The following TMEM117 variants were observed in gnomAD, a reference collection of about 807,000 sequenced individuals.
TMEM117 encodes transmembrane protein 117.
In TMEM117, 27 loss-of-function variants were observed where a neutral mutation model predicts 52.4. That is an observed-to-expected ratio of 0.51 (90% confidence interval 0.38 to 0.71). The LOEUF is 0.71. Among genes scored for constraint, TMEM117 ranks in the 30% least tolerant of loss-of-function variants. The probability of loss-of-function intolerance (pLI) is 0.00; values close to 1 mark genes in which losing one functional copy is unlikely to be tolerated. For missense variants in TMEM117, 556 were observed against 630.5 expected, an observed-to-expected ratio of 0.88 and a Z score of 1.26; for synonymous variants, 215 against 206.3, an observed-to-expected ratio of 1.04 and a Z score of -0.36.
intron 1 of TMEM117, among the ~76,000 whole-genome samples, chr12:43,839,642 T>C (rs1943087136): frequency 6.6e-6 from 1 of 152,234 alleles, no homozygotes; most frequent in South Asian, 2.1e-4. Context: ...CTCTTTGAAC[T>C]TTCTTAAATA....
At chr12:44,096,181 G>A (rs1488128473) in intron 3 of TMEM117, among the ~76,000 whole-genome samples, 2 of 152,110 alleles carry the variant, frequency 1.3e-5, no homozygotes, top group Non-Finnish European at 2.9e-5. Flanking sequence ...TCTTCAAGGA[G>A]AACTACAAAC....
intron 6 of TMEM117, among the ~76,000 whole-genome samples, chr12:44,340,412 T>G (rs938077300): frequency 6.6e-5 from 10 of 152,112 alleles, no homozygotes; most frequent in Admixed American, 6.6e-4. Context: ...GCCACAGGAT[T>G]GCGTTTATAA....
intron 3 of TMEM117, among the ~76,000 whole-genome samples, chr12:43,998,492 T>C (rs998240883): frequency 6.6e-6 from 1 of 152,232 alleles, no homozygotes; most frequent in Non-Finnish European, 1.5e-5. Flanking sequence ...ACTACTGTTA[T>C]AGTTAGGTTA....
chr12:43,971,730 A>G (rs1477528154), intron 3 of TMEM117, among the ~76,000 whole-genome samples: 1 of 152,210 alleles, frequency 6.6e-6, no homozygotes, highest in Non-Finnish European at 1.5e-5. Flanking sequence ...AGTACTCTAG[A>G]TGAAAATTAT....
rs904220125 is a variant in TMEM117 at position 44,250,349 on chromosome 12, C to T, written c.608+38962C>T. ...AAAGTCAGGAAACGGTAGATACTGGCGAGGCTGTGGAGAAATAGGAACGCT... is the reference window on the plus strand; with the variant it reads ...AAAGTCAGGAAACGGTAGATACTGGTGAGGCTGTGGAGAAATAGGAACGCT... On this transcript the variant is annotated intron_variant, in intron 5 of 7. Transcript: ENST00000266534. Among the ~76,000 whole-genome samples the T allele has an allele frequency of 3.3e-5, 5 of 152,008 alleles. No homozygotes were observed. The South Asian group carries it at 6.2e-4, about 19-fold the overall frequency.
chr12:44,236,188 A>G (rs530636995), intron 5 of TMEM117, among the ~76,000 whole-genome samples: 2 of 140,378 alleles, frequency 1.4e-5, no homozygotes, highest in East Asian at 4.2e-4. Flanking sequence ...ATATATATAT[A>G]GAGAGAGAGA....
At chr12:44,359,764 A>G (rs1951697259) in intron 6 of TMEM117, among the ~76,000 whole-genome samples, 1 of 152,140 alleles carries the variant, frequency 6.6e-6, no homozygotes. Flanking sequence ...CTCTCAAATT[A>G]ACATGTAAGT....
intron 4 of TMEM117, among the ~76,000 whole-genome samples, chr12:44,184,094 C>T (rs528279394): frequency 6.6e-6 from 1 of 152,224 alleles, no homozygotes; most frequent in South Asian, 2.1e-4. Flanking sequence ...ACCTGTAATC[C>T]CAGCACTTTG....
chr12:44,011,572 A>G (rs1310356207), intron 3 of TMEM117, among the ~76,000 whole-genome samples: 1 of 152,136 alleles, frequency 6.6e-6, no homozygotes, highest in Non-Finnish European at 1.5e-5. Context: ...GTGGAATTGT[A>G]ACTTAATTAA....
At chr12:44,167,254 T>C (rs1325924128) in intron 4 of TMEM117, among the ~76,000 whole-genome samples, 2 of 152,326 alleles carry the variant, frequency 1.3e-5, no homozygotes, top group East Asian at 3.9e-4. Flanking sequence ...TGTAGTCCTG[T>C]TGGACATAGA....
intron 3 of TMEM117, among the ~76,000 whole-genome samples, chr12:43,987,733 A>G (rs1945871970): frequency 2.0e-5 from 3 of 152,184 alleles, no homozygotes; most frequent in Non-Finnish European, 4.4e-5. Context: ...AGCAGTGTTC[A>G]TATTTATCCC....
chr12:44,062,053 C>G (rs186062554), intron 3 of TMEM117, among the ~76,000 whole-genome samples: 71 of 152,220 alleles, frequency 4.7e-4, no homozygotes, highest in Admixed American at 1.4e-3. Context: ...TTCATTATAT[C>G]AATCTCTCTA....
At chr12:44,199,424 G>A (rs1026324797) in intron 4 of TMEM117, among the ~76,000 whole-genome samples, 3 of 152,080 alleles carry the variant, frequency 2.0e-5, no homozygotes, top group Admixed American at 6.5e-5. Flanking sequence ...CCAAATACTT[G>A]CTTATAATTT....
intron 6 of TMEM117, among the ~76,000 whole-genome samples, chr12:44,337,892 T>C (rs1450772805): frequency 6.6e-6 from 1 of 152,064 alleles, no homozygotes; most frequent in Non-Finnish European, 1.5e-5. Context: ...TTTCTTTCCA[T>C]TGCAAACTGT....
intron 3 of TMEM117, among the ~76,000 whole-genome samples, chr12:44,108,388 A>T (rs1446689911): frequency 1.9e-5 from 2 of 103,284 alleles, no homozygotes; most frequent in African/African-American, 3.8e-5. Context: ...CCAGAGTGTG[A>T]TATTCCCCTT....
chr12:44,096,954 C>T (rs996994719), intron 3 of TMEM117, among the ~76,000 whole-genome samples: 4 of 151,894 alleles, frequency 2.6e-5, no homozygotes, highest in Non-Finnish European at 5.9e-5. Context: ...AAAATTTTCA[C>T]AACCTACTCA....
chr12:44,200,044 T>C (rs1394339781), intron 4 of TMEM117, among the ~76,000 whole-genome samples: 1 of 152,094 alleles, frequency 6.6e-6, no homozygotes, highest in African/African-American at 2.4e-5. Flanking sequence ...GCTTGAACCC[T>C]GGAGATGGAG....
chr12:43,978,085 A>G (rs1158212070), intron 3 of TMEM117, among the ~76,000 whole-genome samples: 1 of 152,146 alleles, frequency 6.6e-6, no homozygotes, highest in African/African-American at 2.4e-5. Flanking sequence ...TTGTTTAGCT[A>G]GTCTTTGGGT....
chr12:44,266,222 G>A (rs916896877), intron 5 of TMEM117, among the ~76,000 whole-genome samples: 1 of 152,070 alleles, frequency 6.6e-6, no homozygotes, highest in African/African-American at 2.4e-5. Flanking sequence ...TTACCAAACT[G>A]GCTATAGCAG....
Sources: gnomAD v4.1 joint callset for allele counts (sites outside exome capture counted in the v4.1 genomes callset) on GRCh38, gnomAD v4.1.1 for gene constraint, MANE v1.5 for transcripts, NCBI Gene and HGNC (gene_info 2026-07-23, HGNC 2026-07-21) for gene names.